The following ANKS1B variants were observed in gnomAD, a reference collection of about 807,000 sequenced individuals.
The protein encoded by ANKS1B is ankyrin repeat and sterile alpha motif domain-containing protein 1B.
ANKS1B carries 36 observed loss-of-function variants against 148.3 expected under a neutral mutation model. That is an observed-to-expected ratio of 0.24 (90% CI 0.19 to 0.32). The LOEUF is 0.32. ANKS1B is among the 10% of genes least tolerant of loss of function. ANKS1B has a pLI of 1.00. For synonymous variants in ANKS1B, 542 were observed against 560.8 expected, an observed-to-expected ratio of 0.97 and a Z score of 0.47; for missense variants, 1,157 against 1,542.6, an observed-to-expected ratio of 0.75 and a Z score of 4.19.
intron 9 of ANKS1B, among the ~76,000 whole-genome samples, chr12:99,640,502 G>A (rs1326633380): frequency 3.3e-5 from 5 of 152,156 alleles, no homozygotes; most frequent in Non-Finnish European, 5.9e-5. Context: ...GAAAGGATGA[G>A]TTCAACCGTC....
intron 10 of ANKS1B, among the ~76,000 whole-genome samples, chr12:99,484,738 G>C (rs1256091232): frequency 6.9e-6 from 1 of 145,768 alleles, no homozygotes; most frequent in Non-Finnish European, 1.5e-5. Context: ...TCATTATATA[G>C]TGACCGTCTT....
At chr12:98,926,614 A>T (rs2099808625) in intron 17 of ANKS1B, among the ~76,000 whole-genome samples, 1 of 152,190 alleles carries the variant, frequency 6.6e-6, no homozygotes, top group Non-Finnish European at 1.5e-5. Flanking sequence ...TGTTCAAGTT[A>T]CTATAGGAGA....
intron 1 of ANKS1B, among the ~76,000 whole-genome samples, chr12:99,857,742 A>G (rs537322447): frequency 1.5e-4 from 23 of 152,322 alleles, no homozygotes; most frequent in African/African-American, 5.1e-4. Context: ...AAATACTTAC[A>G]GCCAACTGAT....
intron 24 of ANKS1B, among the ~76,000 whole-genome samples, chr12:98,779,179 G>A (rs1328434883): frequency 6.6e-6 from 1 of 152,108 alleles, no homozygotes; most frequent in Non-Finnish European, 1.5e-5. Flanking sequence ...CTGTGCTTTT[G>A]CTTCCAAGAG....
At chr12:99,786,244 T>G (rs2064995604) in intron 4 of ANKS1B, among the ~76,000 whole-genome samples, 1 of 151,922 alleles carries the variant, frequency 6.6e-6, no homozygotes, top group African/African-American at 2.4e-5. Context: ...GGGAAAGAAA[T>G]AGAATTCCCC....
chr12:99,950,023 C>T (rs1566065042), intron 1 of ANKS1B, among the ~76,000 whole-genome samples: 1 of 151,766 alleles, frequency 6.6e-6, no homozygotes, highest in Non-Finnish European at 1.5e-5. Context: ...TGCAGTAGCA[C>T]GATCACAGCT....
chr12:99,438,616 A>T (rs2095499189), intron 11 of ANKS1B, among the ~76,000 whole-genome samples: 1 of 151,882 alleles, frequency 6.6e-6, no homozygotes, highest in Non-Finnish European at 1.5e-5. Context: ...CTAATTCTTT[A>T]TCCAAAGTGT....
At chr12:99,678,649 A>C (rs991468453) in intron 8 of ANKS1B, among the ~76,000 whole-genome samples, 1 of 152,166 alleles carries the variant, frequency 6.6e-6, no homozygotes, top group Non-Finnish European at 1.5e-5. Flanking sequence ...CCAAACTTAA[A>C]AAAAAATCTC....
intron 1 of ANKS1B, among the ~76,000 whole-genome samples, chr12:99,838,097 CATT>C (rs2085132589): frequency 6.6e-6 from 1 of 151,672 alleles, no homozygotes; most frequent in African/African-American, 2.4e-5. Flanking sequence ...TTGCCAAAGA[CATT>C]ATTTCATTCT....
chr12:98,777,267 G>T (rs1646757926), intron 24 of ANKS1B, among the ~76,000 whole-genome samples: 1 of 152,126 alleles, frequency 6.6e-6, no homozygotes, highest in African/African-American at 2.4e-5. Flanking sequence ...AGTATTTTGT[G>T]CCCCTAAAAT....
intron 2 of ANKS1B, among the ~76,000 whole-genome samples, chr12:99,820,570 G>T (rs2082387057): frequency 6.6e-6 from 1 of 151,952 alleles, no homozygotes; most frequent in Non-Finnish European, 1.5e-5. Flanking sequence ...GACTGCTAAG[G>T]CTTGCTTGGG....
chr12:99,352,348 T>C (rs541154612), intron 12 of ANKS1B, among the ~76,000 whole-genome samples: 95 of 152,074 alleles, frequency 6.2e-4, no homozygotes, highest in Non-Finnish European at 1.3e-3. Flanking sequence ...GAAGTAATGA[T>C]TAAAACAAAA....
chr12:99,284,999 T>C (rs1259517486), intron 12 of ANKS1B, among the ~76,000 whole-genome samples: 2 of 152,226 alleles, frequency 1.3e-5, no homozygotes, highest in Non-Finnish European at 2.9e-5. Context: ...ACTTAAAGTG[T>C]ATAACTTAAA....
intron 12 of ANKS1B, among the ~76,000 whole-genome samples, chr12:99,367,961 A>G (rs1417740468): frequency 2.6e-5 from 4 of 152,192 alleles, no homozygotes; most frequent in Admixed American, 6.5e-5. Flanking sequence ...TACAAATGAA[A>G]ATAGAAAAGT....
chr12:99,246,623 G>A lies in ANKS1B; in HGVS notation c.1998C>T (p.Pro666=), dbSNP rs1237789391. ...NSEPLVKKIK[P]KVVSRTIFHK... The stretch of plus-strand genomic sequence containing the variant: ...GAAAAATTGTTCTACTGACCACTTT[G>A]GGTTTAATTTTCTTTACCAAAGGTT... The change falls in exon 13 of 27, where the codon CCC becomes CCT. Residue 666 remains proline, a synonymous_variant. Coordinates refer to ENST00000683438, the MANE Select transcript of ANKS1B (RefSeq NM_001352186.2). 6.2e-7 allele frequency: 1 copy of A among 1,613,402 alleles called. No individual in the cohort carries two copies. The highest frequency in any genetic ancestry group is 1.1e-5 in the South Asian group (1 of 91,054).
chr12:99,610,958 G>T lies in ANKS1B; in HGVS notation c.1272+44109C>A, dbSNP rs12423331. ...ATAAGGTACCTCAAAAGTCCCCAAA[G>T]GTTCTTCCAAAAACACTGTCACTGC... is the stretch of plus-strand genomic sequence containing the variant. On this transcript the variant is annotated intron_variant, in intron 9 of 26. Transcript: ENST00000683438. Among the ~76,000 whole-genome samples the T allele has an allele frequency of 6.7e-3, 1,015 of 152,068 alleles. 43 individuals are homozygous for T. The East Asian group carries it at 0.072, about 11-fold the overall frequency.
intron 4 of ANKS1B, among the ~76,000 whole-genome samples, chr12:99,795,136 A>G (rs933285672): frequency 2.0e-5 from 3 of 151,950 alleles, no homozygotes; most frequent in Non-Finnish European, 4.4e-5. Context: ...AATAATAGTC[A>G]GTGGCTAAGA....
chr12:99,966,182 G>C (rs1334461643), intron 1 of ANKS1B, among the ~76,000 whole-genome samples: 3 of 152,084 alleles, frequency 2.0e-5, no homozygotes, highest in Non-Finnish European at 4.4e-5. Flanking sequence ...TGGGATCTGA[G>C]GAATAAATGG....
At chr12:98,978,710 T>C (rs1418608716) in intron 17 of ANKS1B, among the ~76,000 whole-genome samples, 1 of 152,206 alleles carries the variant, frequency 6.6e-6, no homozygotes, top group African/African-American at 2.4e-5. Context: ...ACAATAGTTA[T>C]ACTTCTATTT....
Sources: allele counts gnomAD v4.1 joint callset (sites outside exome capture counted in the v4.1 genomes callset), GRCh38; gene constraint gnomAD v4.1.1; transcripts MANE v1.5; gene names NCBI Gene and HGNC (gene_info 2026-07-23, HGNC 2026-07-21).